LRP1B: variants seen among roughly 807,000 people sequenced by gnomAD.
LRP1B encodes the protein low-density lipoprotein receptor-related protein 1B.
Under a neutral mutation model 556.6 loss-of-function variants are expected in LRP1B, and 217 were observed. That is an observed-to-expected ratio of 0.39 (90% CI 0.35 to 0.44). The LOEUF is 0.44. Among genes scored for constraint, LRP1B ranks in the 20% least tolerant of loss-of-function variants. LRP1B has a pLI of 1.00. For synonymous variants in LRP1B, 2,047 were observed against 1,865.8 expected (o/e 1.10, Z -2.50); for missense variants, 5,053 against 5,620.8 (o/e 0.90, Z 3.23).
chr2:141,686,883 C>G (rs562409905), intron 2 of LRP1B, among the ~76,000 whole-genome samples: 1 of 152,024 alleles, frequency 6.6e-6, no homozygotes, highest in African/African-American at 2.4e-5. Flanking sequence ...TGCTCAGCCC[C>G]CTAGCCATGT....
intron 3 of LRP1B, among the ~76,000 whole-genome samples, chr2:141,304,443 T>G (rs1252371325): frequency 7.3e-5 from 11 of 151,352 alleles, no homozygotes; most frequent in Non-Finnish European, 1.6e-4. Context: ...TTGCTTTTTG[T>G]ATATTGAGAA....
chr2:140,945,868 T>C (rs1412555414), intron 20 of LRP1B, among the ~76,000 whole-genome samples: 1 of 152,086 alleles, frequency 6.6e-6, no homozygotes, highest in Non-Finnish European at 1.5e-5. Context: ...GAGACCTAAT[T>C]AAACTAAAGA....
At chr2:141,905,064 A>G (rs1382766537) in intron 1 of LRP1B, among the ~76,000 whole-genome samples, 1 of 151,878 alleles carries the variant, frequency 6.6e-6, no homozygotes, top group African/African-American at 2.4e-5. Flanking sequence ...CGGAGATCAG[A>G]ATAATGGGAG....
At chr2:142,031,334 T>TA (rs1559032868) in intron 1 of LRP1B, among the ~76,000 whole-genome samples, 3 of 121,588 alleles carry the variant, frequency 2.5e-5, no homozygotes, top group South Asian at 6.2e-4. Flanking sequence ...ATACTTATTT[T>TA]TTTTTTTTTT....
chr2:142,052,744 T>G (rs1161108018), intron 1 of LRP1B, among the ~76,000 whole-genome samples: 1 of 152,120 alleles, frequency 6.6e-6, no homozygotes, highest in Non-Finnish European at 1.5e-5. Context: ...GTTTTCAAGC[T>G]TCTTTAACAT....
intron 1 of LRP1B, among the ~76,000 whole-genome samples, chr2:141,981,016 T>TTA (rs1702029485): frequency 6.6e-6 from 1 of 152,100 alleles, no homozygotes; most frequent in Non-Finnish European, 1.5e-5. Context: ...TCCAAATATT[T>TTA]TATAAAATAA....
chr2:142,054,442 C>A (rs890582090), intron 1 of LRP1B, among the ~76,000 whole-genome samples: 4 of 152,054 alleles, frequency 2.6e-5, no homozygotes, highest in African/African-American at 4.8e-5. Context: ...ATGTTACGTA[C>A]TACCCCTGAT....
chr2:142,017,703 C>T (rs7567000), intron 1 of LRP1B, among the ~76,000 whole-genome samples: 137,662 of 152,000 alleles, frequency 0.91, 62,766 homozygotes, highest in Non-Finnish European at 0.96. Context: ...GAGATCAACA[C>T]AGTGGGACCC....
chr2:140,727,762 T>C (rs1369991015), intron 35 of LRP1B, among the ~76,000 whole-genome samples: 1 of 152,176 alleles, frequency 6.6e-6, no homozygotes, highest in Non-Finnish European at 1.5e-5. Context: ...AAGTTGAACT[T>C]TCTATTCTTT....
chr2:141,485,920 T>A (rs1467189822), intron 2 of LRP1B, among the ~76,000 whole-genome samples: 1 of 152,140 alleles, frequency 6.6e-6, no homozygotes, highest in South Asian at 2.1e-4. Flanking sequence ...CTGGTAAACC[T>A]GGCATTACCT....
chr2:140,779,817 T>C (rs931980778), intron 32 of LRP1B, among the ~76,000 whole-genome samples: 8 of 148,800 alleles, frequency 5.4e-5, no homozygotes, highest in African/African-American at 1.2e-4. Flanking sequence ...ATATCATAAA[T>C]TTACCTCCCA....
At chr2:141,614,602 A>G (rs1299605002) in intron 2 of LRP1B, among the ~76,000 whole-genome samples, 1 of 152,218 alleles carries the variant, frequency 6.6e-6, no homozygotes, top group African/African-American at 2.4e-5. Context: ...CAAAGAAAAC[A>G]CAACATAGAG....
At chr2:140,428,991 C>G (rs1319174369) in intron 66 of LRP1B, among the ~76,000 whole-genome samples, 4 of 152,124 alleles carry the variant, frequency 2.6e-5, no homozygotes, top group Non-Finnish European at 2.9e-5. Flanking sequence ...TCCAAAGCCT[C>G]CTTTGCGTTC....
chr2:141,243,083 G>A (rs186295740), intron 5 of LRP1B, among the ~76,000 whole-genome samples: 1 of 151,620 alleles, frequency 6.6e-6, no homozygotes, highest in African/African-American at 2.4e-5. Context: ...ATCAAAATGT[G>A]CAAGAAGTTT....
intron 2 of LRP1B, among the ~76,000 whole-genome samples, chr2:141,484,762 T>C (rs921245383): frequency 2.0e-5 from 3 of 152,006 alleles, no homozygotes; most frequent in Non-Finnish European, 4.4e-5. Flanking sequence ...TGGCTCTCTG[T>C]TTGTCTGTTA....
intron 2 of LRP1B, among the ~76,000 whole-genome samples, chr2:141,750,915 G>T (rs1694086944): frequency 6.6e-6 from 1 of 151,922 alleles, no homozygotes; most frequent in African/African-American, 2.4e-5. Flanking sequence ...CAAACTTTTT[G>T]AATGAATTTC....
chr2:141,830,019 T>A (rs1232673818), intron 1 of LRP1B, among the ~76,000 whole-genome samples: 1 of 151,808 alleles, frequency 6.6e-6, no homozygotes. Flanking sequence ...ATGACACCAC[T>A]GACAAAAGCA....
At chr2:140,546,000 TTGTGTG>T (rs148045904) in intron 43 of LRP1B, among the ~76,000 whole-genome samples, 273 of 142,602 alleles carry the variant, frequency 1.9e-3, no homozygotes, top group Non-Finnish European at 3.4e-3. Context: ...TATTATTAGG[TTGTGTG>T]TGTGTGTGTG....
chr2:140,716,886 T>A (rs1324308938), intron 35 of LRP1B, 70 bp from the exon 36 acceptor site: 3 of 865,700 alleles, frequency 3.5e-6, no homozygotes, highest in Non-Finnish European at 5.2e-6. Flanking sequence ...GGTGTTAGGA[T>A]CATATTGCAA....
Sources: gnomAD v4.1 joint callset for allele counts (sites outside exome capture counted in the v4.1 genomes callset) on GRCh38, gnomAD v4.1.1 for gene constraint, MANE v1.5 for transcripts, NCBI Gene and HGNC (gene_info 2026-07-23, HGNC 2026-07-21) for gene names.